LMX1B: variants seen among roughly 807,000 people sequenced by gnomAD.
The protein encoded by LMX1B is LIM homeobox transcription factor 1-beta.
LMX1B carries 12 observed loss-of-function variants against 51.4 expected under a neutral mutation model. The observed-to-expected ratio is 0.23, with a 90% CI of 0.15 to 0.38. The LOEUF is 0.38. Ranked by LOEUF, LMX1B falls within the 10% of genes least tolerant of loss-of-function variation. The pLI is 1.00. For missense variants in LMX1B, 445 were observed against 571.1 expected (o/e 0.78, Z 2.25); for synonymous variants, 237 against 235.4 (o/e 1.01, Z -0.06).
At chr9:126,689,194 G>A (rs960509368) in intron 2 of LMX1B, among the ~76,000 whole-genome samples, 5 of 152,196 alleles carry the variant, frequency 3.3e-5, no homozygotes, top group African/African-American at 9.6e-5. Context: ...GGGTGGCAGG[G>A]GTTGCTGGGG....
intron 2 of LMX1B, among the ~76,000 whole-genome samples, chr9:126,672,539 G>A (rs191105235): frequency 2.6e-5 from 4 of 152,254 alleles, no homozygotes; most frequent in Admixed American, 2.6e-4. Context: ...CCTGGGTCTG[G>A]GACCCCTCAT....
Position 126,693,188 on chromosome 9 carries a change from G to T in LMX1B, c.606G>T (p.Gln202His). Residue 202 changes from glutamine to histidine, a missense_variant, in exon 4 of 8, where the codon CAG becomes CAT. Around this residue, in one of 3 missense-constraint regions of LMX1B, gnomAD observed 273 missense variants for 343.3 expected, o/e 0.80. Transcript: ENST00000373474. The part of the protein sequence containing the change: ...EDGDMKPAKG[Q>H]GSQSKGSGDD... ...GGGACATGAAGCCGGCCAAGGGGCA[G>T]GGCAGTCAGAGCAAGGGCAGCGGGG... 6.2e-7 allele frequency: 1 copy of T among 1,603,984 alleles called. No individual in the cohort carries two copies. The highest frequency in any genetic ancestry group is 8.5e-7 in the Non-Finnish European group (1 of 1,175,720).
At chr9:126,652,816 A>G (rs1165037879) in intron 2 of LMX1B, among the ~76,000 whole-genome samples, 1 of 152,230 alleles carries the variant, frequency 6.6e-6, no homozygotes, top group East Asian at 1.9e-4. Flanking sequence ...AGGTTGTGAC[A>G]TCACAGTTCA....
At chr9:126,631,807 T>C (rs1835641544) in intron 2 of LMX1B, among the ~76,000 whole-genome samples, 1 of 152,110 alleles carries the variant, frequency 6.6e-6, no homozygotes, top group South Asian at 2.1e-4. Flanking sequence ...TCTTCAAAGT[T>C]TACTAAGGAC....
intron 2 of LMX1B, among the ~76,000 whole-genome samples, chr9:126,661,780 C>A (rs1220967896): frequency 6.6e-6 from 1 of 152,166 alleles, no homozygotes; most frequent in Non-Finnish European, 1.5e-5. Context: ...ATCCTTGGAG[C>A]CCTGAGGGTT....
rs2030432104 is a variant in LMX1B, at chr9:126,698,714, A to C, written c.*2263A>C. 6.6e-6 allele frequency: 1 copy of C among 152,382 alleles called. No individual in the cohort carries two copies. Among genetic ancestry groups the C allele is most frequent in the Non-Finnish European group, 1.5e-5 (1 of 68,198 alleles). The allele number at this position is 152,382 out of a possible 1,614,324, so 9.4% of individuals were successfully genotyped here. On this transcript the variant is annotated 3_prime_UTR_variant, in exon 8 of 8. Transcript: ENST00000373474. ...AACCTTTGAGCAAGTAAGGATAATG[A>C]ATGTCCCTTTTCCACCTTTGGGGCC... is the stretch of plus-strand genomic sequence containing the variant.
chr9:126,688,058 C>T (rs547108887), intron 2 of LMX1B, among the ~76,000 whole-genome samples: 14 of 152,310 alleles, frequency 9.2e-5, no homozygotes, highest in Admixed American at 2.0e-4. Flanking sequence ...GGAGACCAAA[C>T]GGATGGCGCA....
chr9:126,661,708 G>A (rs898664688), intron 2 of LMX1B, among the ~76,000 whole-genome samples: 59 of 152,154 alleles, frequency 3.9e-4, no homozygotes, highest in African/African-American at 1.4e-3. Flanking sequence ...TGCGGGGCCC[G>A]AGTTGAGCAG....
chr9:126,618,743 G>A lies in LMX1B; in HGVS notation c.326+3174G>A, dbSNP rs1334161679. Among the ~76,000 whole-genome samples, 1 of 152,210 alleles carries A rather than the reference G, an allele frequency of 6.6e-6. No homozygotes were observed. Among genetic ancestry groups the A allele is most frequent in the African/African-American group, 2.4e-5 (1 of 41,456 alleles). ...TTTCTTGCCGTCTGTCGCTCGTCTG[G>A]AAAGGGTTTTTATCCTGAAGAGGTG... On this transcript the variant is annotated intron_variant, in intron 2 of 7. Transcript: ENST00000373474. The surrounding 1 kb of genome is among the most constrained non-coding windows in gnomAD (Gnocchi z 4.5).
chr9:126,623,272 G>C (rs933929462), intron 2 of LMX1B, among the ~76,000 whole-genome samples: 4 of 152,228 alleles, frequency 2.6e-5, no homozygotes, highest in Non-Finnish European at 4.4e-5. Flanking sequence ...GCCAGCCTGT[G>C]GATGGGCCCT....
chr9:126,644,125 C>A (rs1286123605), intron 2 of LMX1B, among the ~76,000 whole-genome samples: 1 of 152,286 alleles, frequency 6.6e-6, no homozygotes, highest in South Asian at 2.1e-4. Flanking sequence ...TGCCAGGTAA[C>A]GGGGCTGGTG....
chr9:126,642,003 C>A (rs78926278), intron 2 of LMX1B, among the ~76,000 whole-genome samples: 3,870 of 152,244 alleles, frequency 0.025, 161 homozygotes, highest in African/African-American at 0.089. Context: ...AGCTAAGATT[C>A]ACAGCTTCCC....
At chr9:126,675,106 A>G (rs775679328) in intron 2 of LMX1B, among the ~76,000 whole-genome samples, 83 of 152,284 alleles carry the variant, frequency 5.5e-4, no homozygotes, top group Non-Finnish European at 9.1e-4. Context: ...TGTAGAGCAT[A>G]TTAGCGTTTG....
intron 2 of LMX1B, among the ~76,000 whole-genome samples, chr9:126,668,977 G>T (rs1284625199): frequency 6.6e-6 from 1 of 152,238 alleles, no homozygotes; most frequent in Non-Finnish European, 1.5e-5. Flanking sequence ...TTGACTGGGT[G>T]AGGAAACTGA....
chr9:126,681,355 C>T (rs1278079321), intron 2 of LMX1B, among the ~76,000 whole-genome samples: 2 of 152,170 alleles, frequency 1.3e-5, no homozygotes, highest in Non-Finnish European at 2.9e-5. Context: ...TGTTCTTCCC[C>T]TGCCTCCCCA....
At chr9:126,621,547 C>T (rs1031631311) in intron 2 of LMX1B, among the ~76,000 whole-genome samples, 5 of 152,146 alleles carry the variant, frequency 3.3e-5, no homozygotes, top group Middle Eastern at 6.8e-3. Context: ...TTTCATCGAC[C>T]GGCTGGTGTT....
chr9:126,626,846 C>A lies in LMX1B; in HGVS notation c.326+11277C>A, dbSNP rs886123115. The stretch of plus-strand genomic sequence containing the variant: ...GACCCTGCAAGCATCAAACGGCCCG[C>A]GGGAACCGGCCGAGTTCAGAGGGAC... On this transcript the variant is annotated intron_variant, in intron 2 of 7. Transcript: ENST00000373474. The surrounding 1 kb of genome is among the most constrained non-coding windows in gnomAD (Gnocchi z 4.3). 6.6e-6 allele frequency among the ~76,000 whole-genome samples: 1 copy of A among 152,078 alleles called. No individual in the cohort carries two copies. The highest frequency in any genetic ancestry group is 2.4e-5 in the African/African-American group (1 of 41,402).
intron 2 of LMX1B, among the ~76,000 whole-genome samples, chr9:126,616,845 G>A (rs1835311754): frequency 6.6e-6 from 1 of 152,204 alleles, no homozygotes; most frequent in Non-Finnish European, 1.5e-5. Context: ...TACCCCAAAA[G>A]GCTCTGGCTG....
chr9:126,696,018 C>A lies in LMX1B; in HGVS notation c.1051+15C>A. On this transcript the variant is annotated intron_variant, in intron 7 of 7. Transcript: ENST00000373474. Reference sequence around the variant, plus strand: ...GAACCCCTATGGTAAGCCGCCCTACCCCCACCCGCCCGCCCCAGCACAGCC... The same window carrying A: ...GAACCCCTATGGTAAGCCGCCCTACACCCACCCGCCCGCCCCAGCACAGCC... 1 of 1,388,538 alleles carries A rather than the reference C, an allele frequency of 7.2e-7. No homozygotes were observed. The highest frequency in any genetic ancestry group is 9.6e-7 in the Non-Finnish European group (1 of 1,044,326). 86.0% of individuals were successfully genotyped at this position (1,388,538 alleles called of 1,614,324 possible).
Sources: allele counts gnomAD v4.1 joint callset (sites outside exome capture counted in the v4.1 genomes callset), GRCh38; gene constraint gnomAD v4.1.1; regional missense constraint gnomAD v4.1.1; non-coding constraint Gnocchi (gnomAD v3.1); transcripts MANE v1.5; gene names NCBI Gene and HGNC (gene_info 2026-07-23, HGNC 2026-07-21).